Variants in RAB8B observed in about 807,000 individuals in gnomAD.
RAB8B encodes ras-related protein Rab-8B.
Under a neutral mutation model 32.0 loss-of-function variants are expected in RAB8B, and 11 were observed. The ratio of observed to expected loss-of-function variants is 0.34; its 90% CI spans 0.22 to 0.57. The LOEUF (loss-of-function observed/expected upper bound fraction) is 0.57. RAB8B is among the 20% of genes least tolerant of loss of function. The pLI is 0.86. For missense variants in RAB8B, 190 were observed against 258.5 expected (o/e 0.73, Z 1.82); for synonymous variants, 103 against 89.6 (o/e 1.15, Z -0.85).
At chr15:63,257,456 G>A (rs1477852279) in intron 5 of RAB8B, among the ~76,000 whole-genome samples, 2 of 151,796 alleles carry the variant, frequency 1.3e-5, no homozygotes, top group African/African-American at 2.4e-5. Context: ...TAGTAGAGAC[G>A]CGGTTTTGCC....
At chr15:63,244,601 C>G (rs2038056994) in intron 1 of RAB8B, among the ~76,000 whole-genome samples, 155 bp from the exon 2 acceptor site, 2 of 152,200 alleles carry the variant, frequency 1.3e-5, no homozygotes, top group Non-Finnish European at 2.9e-5. Flanking sequence ...TTTCTCCAGC[C>G]TGTATTCAGA....
At chr15:63,240,793 G>GTAATGTT (rs1307880436) in intron 1 of RAB8B, among the ~76,000 whole-genome samples, 1 of 119,948 alleles carries the variant, frequency 8.3e-6, no homozygotes, top group East Asian at 3.0e-4. Context: ...TAACTGAAAG[G>GTAATGTT]TAATGTTCCT....
At chr15:63,250,137 C>T (rs898854677) in intron 3 of RAB8B, among the ~76,000 whole-genome samples, 5 of 151,606 alleles carry the variant, frequency 3.3e-5, no homozygotes, top group African/African-American at 7.3e-5. Context: ...AGCGAGACTC[C>T]GTCTCAAAAA....
chr15:63,241,700 T>TA (rs2038033377), intron 1 of RAB8B, among the ~76,000 whole-genome samples: 1 of 152,198 alleles, frequency 6.6e-6, no homozygotes, highest in Admixed American at 6.5e-5. Flanking sequence ...TTTAAAATGT[T>TA]AATCTGAAGA....
chr15:63,235,834 T>G (rs1018098433), intron 1 of RAB8B, among the ~76,000 whole-genome samples: 6 of 152,182 alleles, frequency 3.9e-5, no homozygotes, highest in African/African-American at 1.4e-4. Context: ...AAATATGGCT[T>G]TTGTTCACTG....
chr15:63,197,239 A>G (rs1409534452), intron 1 of RAB8B, among the ~76,000 whole-genome samples: 1 of 150,922 alleles, frequency 6.6e-6, no homozygotes, highest in Non-Finnish European at 1.5e-5. Flanking sequence ...ACTGATGTTT[A>G]TGGTTATGTT....
At chr15:63,202,811 A>G (rs1256101260) in intron 1 of RAB8B, among the ~76,000 whole-genome samples, 1 of 152,238 alleles carries the variant, frequency 6.6e-6, no homozygotes, top group African/African-American at 2.4e-5. Context: ...CAGACACAGT[A>G]GCATTGTAAA....
intron 1 of RAB8B, among the ~76,000 whole-genome samples, chr15:63,204,642 A>T (rs1388578764): frequency 6.6e-6 from 1 of 152,226 alleles, no homozygotes; most frequent in East Asian, 1.9e-4. Context: ...GCTGATTTTA[A>T]TGGAGTAAAT....
intron 1 of RAB8B, among the ~76,000 whole-genome samples, chr15:63,228,194 T>G (rs559079089): frequency 1.1e-4 from 17 of 152,240 alleles, no homozygotes; most frequent in African/African-American, 4.1e-4. Flanking sequence ...TTGTTTTATT[T>G]TTTTGTAGAG....
intron 1 of RAB8B, among the ~76,000 whole-genome samples, chr15:63,216,593 T>G (rs1261273208): frequency 6.7e-6 from 1 of 148,494 alleles, no homozygotes; most frequent in Non-Finnish European, 1.5e-5. Flanking sequence ...CTTGTCTCGG[T>G]GGCTCACGCC....
rs1302742084 is a variant in RAB8B at position 63,265,126 on chromosome 15, G to C, written c.*1507G>C. 6.6e-6 allele frequency: 1 copy of C among 152,670 alleles called. No individual in the cohort carries two copies. The highest frequency in any genetic ancestry group is 6.5e-5 in the Admixed American group (1 of 15,290). The allele number at this position is 152,670 out of a possible 1,614,324, so 9.5% of individuals were successfully genotyped here. A position where few individuals can be genotyped will look rare whatever the true frequency, so the allele number is the denominator to read the frequency against. ...ATTCTGTTAATAATTATTCTTCCTG[G>C]TATGCCTGTTTTGCTTCACAAAGGC... is the stretch of plus-strand genomic sequence containing the variant. On this transcript the variant is annotated 3_prime_UTR_variant, in exon 8 of 8. Transcript: ENST00000321437. The surrounding 1 kb of genome is among the most constrained non-coding windows in gnomAD (Gnocchi z 4.9).
At chr15:63,207,280 C>T (rs2037706360) in intron 1 of RAB8B, among the ~76,000 whole-genome samples, 1 of 152,274 alleles carries the variant, frequency 6.6e-6, no homozygotes, top group Admixed American at 6.5e-5. Flanking sequence ...TAGCTCCTAG[C>T]GCAGTGCGGG....
At chr15:63,252,424 T>C (rs2038123810) in intron 3 of RAB8B, among the ~76,000 whole-genome samples, 1 of 152,158 alleles carries the variant, frequency 6.6e-6, no homozygotes, top group Non-Finnish European at 1.5e-5. Context: ...GGATCTCCCA[T>C]TTAATATGTG....
chr15:63,203,248 T>G (rs2037668093), intron 1 of RAB8B, among the ~76,000 whole-genome samples: 1 of 152,222 alleles, frequency 6.6e-6, no homozygotes, highest in Non-Finnish European at 1.5e-5. Context: ...ACCAATGGAC[T>G]TACTGACAAA....
At chr15:63,212,998 C>G (rs528965455) in intron 1 of RAB8B, among the ~76,000 whole-genome samples, 14 of 152,306 alleles carry the variant, frequency 9.2e-5, no homozygotes, top group Non-Finnish European at 1.9e-4. Flanking sequence ...AAGGCTTTGG[C>G]AGAGGCCTAA....
rs144184634 is a variant in RAB8B at position 63,234,260 on chromosome 15, A to G, written c.125-10496A>G. Among the ~76,000 whole-genome samples the G allele has an allele frequency of 5.1e-4, 78 of 152,296 alleles. No homozygotes were observed. In the East Asian group the frequency reaches 0.015, roughly 29 times the overall value. On this transcript the variant is annotated intron_variant, in intron 1 of 7. Coordinates refer to ENST00000321437, the MANE Select transcript of RAB8B (RefSeq NM_016530.3). ...CCCTAGAGAGAGAGTTCCGAAGGCC[A>G]AGAAAACTACTCTTTCCCACACTCC...
intron 3 of RAB8B, chr15:63,251,193 C>CT: frequency 2.3e-6 from 1 of 436,302 alleles, no homozygotes; most frequent in Non-Finnish European, 4.5e-6. Context: ...CTGCCAGCCA[C>CT]TTTCTATTTT....
At chr15:63,196,850 T>G (rs1475441621) in intron 1 of RAB8B, among the ~76,000 whole-genome samples, 1 of 152,258 alleles carries the variant, frequency 6.6e-6, no homozygotes, top group Non-Finnish European at 1.5e-5. Flanking sequence ...GATATTTTAC[T>G]TATCTTTCAG....
intron 1 of RAB8B, among the ~76,000 whole-genome samples, chr15:63,220,362 A>G (rs1036928183): frequency 6.6e-6 from 1 of 152,184 alleles, no homozygotes; most frequent in Non-Finnish European, 1.5e-5. Flanking sequence ...TAAGAAAATT[A>G]TTCTAGAATG....
Sources: gnomAD v4.1 joint callset for allele counts (sites outside exome capture counted in the v4.1 genomes callset) on GRCh38, gnomAD v4.1.1 for gene constraint, Gnocchi (gnomAD v3.1) non-coding constraint, MANE v1.5 for transcripts, NCBI Gene and HGNC (gene_info 2026-07-23, HGNC 2026-07-21) for gene names.